HELQ: variants seen among roughly 807,000 people sequenced by gnomAD.
The protein encoded by HELQ is helicase POLQ-like.
In HELQ, 77 loss-of-function variants were observed where a neutral mutation model predicts 111.6. The ratio of observed to expected loss-of-function variants is 0.69; its 90% confidence interval spans 0.57 to 0.83. The LOEUF (loss-of-function observed/expected upper bound fraction) is 0.83, where lower values mean the gene tolerates loss of function less well. Ranked by LOEUF, HELQ falls within the 40% of genes least tolerant of loss-of-function variation. The pLI is 0.00. For synonymous variants in HELQ, 438 were observed against 454.7 expected (o/e 0.96, Z 0.47); for missense variants, 1,200 against 1,288.5 (o/e 0.93, Z 1.05).
At position 83,410,221 on chromosome 4, in the gene HELQ, C is replaced by T. The variant is rs116368592; in HGVS notation, c.3199-2661G>A. On this transcript the variant is annotated intron_variant, in intron 17 of 17. Transcript: ENST00000295488. ...CTATGATGGTGCTACTGCACTCTAG[C>T]CTGGGTGACAGAGACCTAGTTCCTC... Among the ~76,000 whole-genome samples the T allele has an allele frequency of 6.2e-3, 936 of 152,044 alleles. 9 individuals carry two copies. Among genetic ancestry groups the T allele is most frequent in the African/African-American group, 0.021 (875 of 41,354 alleles).
At chr4:83,420,527 G>A (rs1294807640) in intron 15 of HELQ, among the ~76,000 whole-genome samples, 2 of 151,930 alleles carry the variant, frequency 1.3e-5, no homozygotes, top group Admixed American at 6.6e-5. Flanking sequence ...GCTCATGCCT[G>A]TAATCCCAAC....
intron 9 of HELQ, among the ~76,000 whole-genome samples, chr4:83,434,768 T>C (rs758664359): frequency 1.3e-5 from 2 of 152,008 alleles, no homozygotes; most frequent in Non-Finnish European, 2.9e-5. Context: ...ATATGGAAGG[T>C]AAAGTTGAAA....
intron 6 of HELQ, among the ~76,000 whole-genome samples, chr4:83,442,019 C>G (rs1720786464): frequency 6.6e-6 from 1 of 152,024 alleles, no homozygotes; most frequent in African/African-American, 2.4e-5. Context: ...CTTGCCACAG[C>G]CTCTCAAAGT....
chr4:83,430,890 C>A (rs1306023327), intron 11 of HELQ, among the ~76,000 whole-genome samples: 1 of 151,302 alleles, frequency 6.6e-6, no homozygotes, highest in Non-Finnish European at 1.5e-5. Flanking sequence ...TGGAAGAGTG[C>A]AGGGGGGCAG....
At chr4:83,429,856 A>G in intron 11 of HELQ, 110 bp from the exon 12 acceptor site, 1 of 645,092 alleles carries the variant, frequency 1.6e-6, no homozygotes, top group Non-Finnish European at 2.6e-6. Flanking sequence ...ATTTAAATAA[A>G]AAATTAGTAT....
rs569145497 is a variant in HELQ, at chr4:83,443,443, T to A, written c.1563+74A>T. 4.2e-4 allele frequency: 285 copies of A among 676,038 alleles called. 1 individual carries two copies. In the African/African-American group the frequency reaches 4.8e-3, roughly 11 times the overall value. The allele number at this position is 676,038 out of a possible 1,614,324, so 41.9% of individuals were successfully genotyped here. A position where few individuals can be genotyped will look rare whatever the true frequency, so the allele number is the denominator to read the frequency against. On this transcript the variant is annotated intron_variant, in intron 6 of 17. Coordinates refer to ENST00000295488, the MANE Select transcript of HELQ (RefSeq NM_133636.5). ...CTACTCTACAGAATTCTTTAAATCCTATGTTTACTACTTTCATTTCTAAGT... is the reference window on the plus strand; with the variant it reads ...CTACTCTACAGAATTCTTTAAATCCAATGTTTACTACTTTCATTTCTAAGT...
Position 83,436,856 on chromosome 4 carries a change from A to G in HELQ, c.2048+2T>C, listed in dbSNP as rs1181182176. 1 of 1,611,062 alleles carries G rather than the reference A, an allele frequency of 6.2e-7. No homozygotes were observed. Among genetic ancestry groups the G allele is most frequent in the Non-Finnish European group, 8.5e-7 (1 of 1,178,672 alleles). ...CCTGGTCAACACTTACTTATCTCTT[A>G]CCTTCGAGCTGGTAGGTTGACACCT... On this transcript the variant is annotated splice_donor_variant, in intron 9 of 17. Coordinates refer to ENST00000295488, the MANE Select transcript of HELQ (RefSeq NM_133636.5). LOFTEE classifies it high-confidence loss of function.
At chr4:83,408,113 T>C (rs1738883855) in intron 17 of HELQ, among the ~76,000 whole-genome samples, 1 of 152,194 alleles carries the variant, frequency 6.6e-6, no homozygotes, top group African/African-American at 2.4e-5. Flanking sequence ...ATAAGCTATA[T>C]AGATCAATAA....
At chr4:83,411,470 G>T (rs1282134042) in intron 17 of HELQ, among the ~76,000 whole-genome samples, 5 of 151,254 alleles carry the variant, frequency 3.3e-5, no homozygotes, top group Admixed American at 6.6e-5. Flanking sequence ...TAGGCATAGT[G>T]GTGCCCGCCT....
intron 10 of HELQ, 44 bp from the exon 11 acceptor site, chr4:83,431,812 A>T: frequency 1.3e-6 from 1 of 771,862 alleles, no homozygotes; most frequent in Non-Finnish European, 1.9e-6. Flanking sequence ...TATTATTAAA[A>T]ATAAATGGTA....
chr4:83,423,840 G>A (rs1276818195), intron 14 of HELQ, among the ~76,000 whole-genome samples: 2 of 152,108 alleles, frequency 1.3e-5, no homozygotes, highest in Non-Finnish European at 2.9e-5. Flanking sequence ...GAACTTGGGA[G>A]GCGGAGGTTG....
intron 4 of HELQ, 149 bp downstream of exon 4, chr4:83,446,686 A>G (rs1278325003): frequency 1.8e-6 from 1 of 550,942 alleles, no homozygotes; most frequent in Non-Finnish European, 3.1e-6. Context: ...ATTATCAAGC[A>G]TAGAATGTCT....
chr4:83,431,263 A>AT (rs2109987357), intron 11 of HELQ, among the ~76,000 whole-genome samples: 1 of 152,234 alleles, frequency 6.6e-6, no homozygotes, highest in South Asian at 2.1e-4. Context: ...GAAAAAAAAA[A>AT]GCCAATTTCA....
At chr4:83,426,270 C>T (rs1565908) in intron 13 of HELQ, among the ~76,000 whole-genome samples, 178 bp from the exon 14 acceptor site, 68,283 of 151,826 alleles carry the variant, frequency 0.45, 15,900 homozygotes, top group East Asian at 0.67. Context: ...GGATATAACA[C>T]ACTTTAGAAT....
chr4:83,446,560 C>A (rs1721058291), intron 4 of HELQ, among the ~76,000 whole-genome samples: 1 of 152,158 alleles, frequency 6.6e-6, no homozygotes, highest in African/African-American at 2.4e-5. Context: ...CCTGCCTCGG[C>A]CTCCCAAAGT....
chr4:83,409,145 T>C (rs1738954631), intron 17 of HELQ, among the ~76,000 whole-genome samples: 1 of 152,198 alleles, frequency 6.6e-6, no homozygotes, highest in Non-Finnish European at 1.5e-5. Flanking sequence ...TTTGCTACTC[T>C]GACAGAAGAG....
chr4:83,454,810 A>G (rs1020168544), intron 1 of HELQ, among the ~76,000 whole-genome samples: 3 of 152,118 alleles, frequency 2.0e-5, no homozygotes, highest in East Asian at 3.8e-4. Flanking sequence ...GAAGTTTCTG[A>G]TAACTGCAGC....
chr4:83,414,869 AG>A (rs2109964334), intron 17 of HELQ, among the ~76,000 whole-genome samples: 1 of 152,262 alleles, frequency 6.6e-6, no homozygotes, highest in Admixed American at 6.5e-5. Context: ...GCTATAGCAA[AG>A]GAAATGACTA....
Position 83,432,126 on chromosome 4 carries a change from C to A in HELQ, c.2190G>T (p.Gln730His). Residue 730 changes from glutamine (Q) to histidine (H), a missense_variant and splice_region_variant, in exon 10 of 18, where the codon CAG becomes CAT. Physicochemically the swap from Gln to His is conservative, Grantham distance 24 (BLOSUM62 0). Around this residue, in one of 3 missense-constraint regions of HELQ, gnomAD observed 585 missense variants for 665.3 expected, o/e 0.88. Coordinates refer to ENST00000295488, the MANE Select transcript of HELQ (RefSeq NM_133636.5). Reference sequence around the variant, plus strand: ...ACCAACCAACCAAATTGAGTATTACCTGTTGTTTGTCTTTTTCTTGCAATA... The same window carrying A: ...ACCAACCAACCAAATTGAGTATTACATGTTGTTTGTCTTTTTCTTGCAATA... ...ILILQEKDKQ[Q>H]VLELITKPLE... The A allele has an allele frequency of 6.3e-7, 1 of 1,576,906 alleles. No individual in the cohort carries two copies. The highest frequency in any genetic ancestry group is 8.6e-7 in the Non-Finnish European group (1 of 1,164,014).
Sources: gnomAD v4.1 joint callset for allele counts (sites outside exome capture counted in the v4.1 genomes callset) on GRCh38, gnomAD v4.1.1 for gene constraint, gnomAD v4.1.1 regional missense constraint, MANE v1.5 for transcripts, NCBI Gene and HGNC (gene_info 2026-07-23, HGNC 2026-07-21) for gene names.